The following ARID4B variants were observed in gnomAD, a reference collection of about 807,000 sequenced individuals.
ARID4B encodes AT-rich interactive domain-containing protein 4B.
Under a neutral mutation model 147.5 loss-of-function variants are expected in ARID4B, and 26 were observed. That is an observed-to-expected ratio of 0.18 (90% CI 0.13 to 0.24). ARID4B has a LOEUF of 0.24. ARID4B is among the 10% of genes least tolerant of loss of function. ARID4B has a pLI of 1.00. For synonymous variants in ARID4B, 512 were observed against 507.9 expected (o/e 1.01, Z -0.11); for missense variants, 1,179 against 1,511.5 (o/e 0.78, Z 3.65).
chr1:235,310,514 G>A (rs1361473775), intron 2 of ARID4B, among the ~76,000 whole-genome samples: 1 of 152,150 alleles, frequency 6.6e-6, no homozygotes, highest in Non-Finnish European at 1.5e-5. Flanking sequence ...CTGCCTCAAA[G>A]GGATGTTATT....
chr1:235,237,611 A>G (rs529933982), intron 8 of ARID4B, among the ~76,000 whole-genome samples: 1 of 152,370 alleles, frequency 6.6e-6, no homozygotes, highest in South Asian at 2.1e-4. Context: ...AACAGTAAAA[A>G]CAAAGGTAGT....
intron 2 of ARID4B, 168 bp downstream of exon 2, chr1:235,326,746 C>A (rs1675298806): frequency 1.3e-6 from 1 of 784,312 alleles, no homozygotes; most frequent in African/African-American, 1.7e-5. Context: ...AACTCCACAG[C>A]AAAGCCCGCC....
At chr1:235,288,634 A>C (rs1279178124) in intron 2 of ARID4B, among the ~76,000 whole-genome samples, 1 of 152,220 alleles carries the variant, frequency 6.6e-6, no homozygotes, top group African/African-American at 2.4e-5. Context: ...TGGTGATATT[A>C]AGTGGTTTTC....
At chr1:235,245,437 T>C (rs1669239402) in intron 7 of ARID4B, among the ~76,000 whole-genome samples, 3 of 152,136 alleles carry the variant, frequency 2.0e-5, no homozygotes, top group African/African-American at 7.2e-5. Flanking sequence ...ATTTTTACAC[T>C]TTAGGATGAT....
At position 235,231,177 on chromosome 1, in the gene ARID4B, T is replaced by C. The variant is rs750193656; in HGVS notation, c.678A>G (p.Pro226=). The C allele has an allele frequency of 1.9e-6, 3 of 1,581,280 alleles. No homozygotes were observed. Among genetic ancestry groups the C allele is most frequent in the Admixed American group, 3.6e-5 (2 of 55,472 alleles). The change falls in exon 10 of 24, where the codon CCA becomes CCG. Residue 226 remains proline (P), a synonymous_variant. Transcript: ENST00000264183. ...SFKDGKFTSV[P]RKDVHEITSD... ...TAGTAATTTCATGGACATCTTTTCT[T>C]GGAACTGAAGTACTATATATTTTTT...
chr1:235,168,559 G>A lies in ARID4B; in HGVS notation c.3905C>T (p.Ala1302Val), dbSNP rs1416265806. 3 of 1,613,918 alleles carry A rather than the reference G, an allele frequency of 1.9e-6. No homozygotes were observed. Among genetic ancestry groups the A allele is most frequent in the Non-Finnish European group, 2.5e-6 (3 of 1,179,988 alleles). Reference protein sequence around the residue: ...LTLAEPSMSSASQNGMSVECR With the variant: ...LTLAEPSMSSVSQNGMSVECR ...CTCAACTGACATTCCATTTTGTGATGCGCTGGACATTGACGGTTCAGCTAA... is the reference window on the plus strand; with the variant it reads ...CTCAACTGACATTCCATTTTGTGATACGCTGGACATTGACGGTTCAGCTAA... Residue 1302 changes from alanine (A) to valine (V), a missense_variant, in exon 24 of 24, where the codon GCA (alanine) becomes GTA (valine). Physicochemically the swap from Ala to Val is moderately conservative, Grantham distance 64 (BLOSUM62 0). Coordinates refer to ENST00000264183, the MANE Select transcript of ARID4B (RefSeq NM_016374.6).
chr1:235,236,978 T>C (rs1668654101), intron 8 of ARID4B, among the ~76,000 whole-genome samples: 2 of 144,254 alleles, frequency 1.4e-5, no homozygotes, highest in African/African-American at 5.2e-5. Flanking sequence ...GTTCAAGCGA[T>C]TCTCCTGCCT....
At chr1:235,296,835 A>AGAGAAAGAGGG in intron 2 of ARID4B, among the ~76,000 whole-genome samples, 2 of 19,632 alleles carry the variant, frequency 1.0e-4, no homozygotes, top group African/African-American at 2.2e-4. Flanking sequence ...GGAAGGAAGG[A>AGAGAAAGAGGG]AGGGAGGAAG....
chr1:235,204,342 G>A (rs1248232880), intron 17 of ARID4B, among the ~76,000 whole-genome samples: 7 of 152,150 alleles, frequency 4.6e-5, no homozygotes, highest in South Asian at 2.1e-4. Context: ...AAAATAAAAT[G>A]AAATTCCTAA....
intron 2 of ARID4B, among the ~76,000 whole-genome samples, chr1:235,279,732 G>A (rs1372945814): frequency 2.0e-5 from 3 of 152,190 alleles, no homozygotes; most frequent in South Asian, 2.1e-4. Context: ...GGGTGGTTGT[G>A]TCTAAAACAA....
chr1:235,213,165 C>T (rs752313305), intron 17 of ARID4B, among the ~76,000 whole-genome samples: 1 of 152,116 alleles, frequency 6.6e-6, no homozygotes, highest in Non-Finnish European at 1.5e-5. Flanking sequence ...AAATTTCACT[C>T]TTGCCTTTCA....
At chr1:235,292,905 T>C (rs1350236644) in intron 2 of ARID4B, among the ~76,000 whole-genome samples, 1 of 152,134 alleles carries the variant, frequency 6.6e-6, no homozygotes, top group East Asian at 1.9e-4. Context: ...AAAGCTAAAG[T>C]AGAACTACAT....
chr1:235,196,629 A>G (rs370533846), intron 17 of ARID4B, among the ~76,000 whole-genome samples: 8 of 152,128 alleles, frequency 5.3e-5, no homozygotes, highest in African/African-American at 1.9e-4. Flanking sequence ...CAAGGCGGGC[A>G]GATCACGAAG....
intron 2 of ARID4B, among the ~76,000 whole-genome samples, chr1:235,272,921 A>C (rs2103150910): frequency 6.6e-6 from 1 of 152,352 alleles, no homozygotes; most frequent in African/African-American, 2.4e-5. Context: ...TGAGCAGCTA[A>C]GCAGCTAAGC....
At chr1:235,179,886 T>C (rs538859528) in intron 20 of ARID4B, among the ~76,000 whole-genome samples, 1 of 151,904 alleles carries the variant, frequency 6.6e-6, no homozygotes, top group African/African-American at 2.4e-5. Context: ...CTGGCTAACA[T>C]GGCGAAATGC....
At chr1:235,218,948 C>T (rs1667267837) in intron 16 of ARID4B, among the ~76,000 whole-genome samples, 1 of 149,448 alleles carries the variant, frequency 6.7e-6, no homozygotes, top group African/African-American at 2.4e-5. Context: ...TCACTGCAAC[C>T]TCTGCCTCCA....
intron 3 of ARID4B, among the ~76,000 whole-genome samples, chr1:235,260,244 A>G (rs1366904487): frequency 2.0e-5 from 3 of 152,208 alleles, no homozygotes; most frequent in Non-Finnish European, 4.4e-5. Context: ...AGAGGGGGTG[A>G]TGCCTTAAAA....
At chr1:235,282,009 A>G (rs1200980975) in intron 2 of ARID4B, among the ~76,000 whole-genome samples, 1 of 152,224 alleles carries the variant, frequency 6.6e-6, no homozygotes, top group Non-Finnish European at 1.5e-5. Flanking sequence ...AGGAACATAC[A>G]TCATGAATAT....
At chr1:235,251,499 A>AT (rs998762440) in intron 6 of ARID4B, among the ~76,000 whole-genome samples, 5 of 152,116 alleles carry the variant, frequency 3.3e-5, no homozygotes, top group Admixed American at 6.5e-5. Flanking sequence ...CAAATTCTAA[A>AT]TTTAAGTGGG....
Sources: gnomAD v4.1 joint callset for allele counts (sites outside exome capture counted in the v4.1 genomes callset) on GRCh38, gnomAD v4.1.1 for gene constraint, MANE v1.5 for transcripts, NCBI Gene and HGNC (gene_info 2026-07-23, HGNC 2026-07-21) for gene names.